Variants in NCEH1 observed in about 807,000 individuals in gnomAD.
NCEH1 encodes neutral cholesterol ester hydrolase 1.
In NCEH1, 9 loss-of-function variants were observed where a neutral mutation model predicts 25.4. That is an observed-to-expected ratio of 0.35 (90% CI 0.21 to 0.62). NCEH1 has a LOEUF of 0.62. Ranked by LOEUF, NCEH1 falls within the 20% of genes least tolerant of loss-of-function variation. NCEH1 has a pLI of 0.72. For missense variants in NCEH1, 412 were observed against 501.1 expected (o/e 0.82, Z 1.70); for synonymous variants, 200 against 199.8 (o/e 1.00, Z -0.01).
intron 1 of NCEH1, among the ~76,000 whole-genome samples, chr3:172,689,972 C>T (rs1175259384): frequency 6.7e-5 from 10 of 149,752 alleles, no homozygotes; most frequent in Non-Finnish European, 4.4e-5. Context: ...GGCACGATCT[C>T]GGCTCACTGC....
intron 1 of NCEH1, among the ~76,000 whole-genome samples, 169 bp from the exon 2 acceptor site, chr3:172,648,283 G>A (rs1465496560): frequency 6.6e-6 from 1 of 152,026 alleles, no homozygotes; most frequent in Non-Finnish European, 1.5e-5. Flanking sequence ...TTTTGCTTTT[G>A]GACAAAATAT....
At chr3:172,681,122 G>A (rs1486519635) in intron 1 of NCEH1, 1 of 152,056 alleles carries the variant, frequency 6.6e-6, no homozygotes, top group Non-Finnish European at 1.5e-5. Flanking sequence ...AGAGGTACCG[G>A]GGGAGAAGGA....
chr3:172,633,431 TAGG>T lies in NCEH1; in HGVS notation c.*41_*43del. ...AGTGCATGTCTTTCCAAAGCAGGTG[TAGG>T]AGGTCAAGAGGGGCTCGAGGCTTCT... On this transcript the variant is annotated 3_prime_UTR_variant, in exon 5 of 5. Coordinates refer to ENST00000475381, the MANE Select transcript of NCEH1 (RefSeq NM_020792.6). 6.4e-7 allele frequency: 1 copy of T among 1,573,604 alleles called. No individual in the cohort carries two copies. The highest frequency in any genetic ancestry group is 8.6e-7 in the Non-Finnish European group (1 of 1,157,002).
chr3:172,695,946 A>G (rs956147348), intron 1 of NCEH1, among the ~76,000 whole-genome samples: 1 of 152,118 alleles, frequency 6.6e-6, no homozygotes, highest in African/African-American at 2.4e-5. Context: ...TCTGTCTCAA[A>G]AAAATAAATA....
intron 1 of NCEH1, among the ~76,000 whole-genome samples, chr3:172,705,808 C>T (rs568686581): frequency 1.3e-5 from 2 of 152,168 alleles, no homozygotes; most frequent in Admixed American, 1.3e-4. Flanking sequence ...ACCAGCCTGA[C>T]CAACATGGTG....
intron 3 of NCEH1, among the ~76,000 whole-genome samples, chr3:172,642,840 C>T (rs780789394): frequency 6.6e-6 from 1 of 152,228 alleles, no homozygotes; most frequent in Non-Finnish European, 1.5e-5. Flanking sequence ...ACCTAGCATG[C>T]ACACTCCAAG....
chr3:172,672,230 CA>C (rs1279304566), intron 1 of NCEH1, among the ~76,000 whole-genome samples: 3 of 152,192 alleles, frequency 2.0e-5, no homozygotes, highest in African/African-American at 7.2e-5. Flanking sequence ...CTTACCACTG[CA>C]TTATAATTGC....
intron 1 of NCEH1, among the ~76,000 whole-genome samples, chr3:172,655,511 A>C (rs1717649700): frequency 6.6e-6 from 1 of 152,170 alleles, no homozygotes; most frequent in Non-Finnish European, 1.5e-5. Context: ...AGAAGGCTGG[A>C]GAAGGAGAGA....
Position 172,675,327 on chromosome 3 carries a change from A to AATT in NCEH1, c.139-27214_139-27213insAAT, listed in dbSNP as rs1553835603. 8.3e-4 allele frequency among the ~76,000 whole-genome samples: 124 copies of AATT among 148,948 alleles called. 1 individual carries two copies. The highest frequency in any genetic ancestry group is 4.7e-3 in the East Asian group (23 of 4,928). On this transcript the variant is annotated intron_variant, in intron 1 of 4. Coordinates refer to ENST00000475381, the MANE Select transcript of NCEH1 (RefSeq NM_020792.6). ...CAAATAAATAAATAAATAAATAAAT[A>AATT]AATAAATAAATAAATGATTTTGTGA...
intron 2 of NCEH1, 141 bp from the exon 3 acceptor site, chr3:172,645,833 T>C (rs1467071471): frequency 9.8e-6 from 5 of 509,760 alleles, no homozygotes; most frequent in Admixed American, 3.4e-5. Flanking sequence ...GAACAAATAA[T>C]AGAGTTACAT....
chr3:172,676,074 G>T (rs1250371610), intron 1 of NCEH1, among the ~76,000 whole-genome samples: 1 of 152,298 alleles, frequency 6.6e-6, no homozygotes, highest in East Asian at 1.9e-4. Context: ...TTTTCAGCAG[G>T]AAGTGGCCAC....
intron 1 of NCEH1, among the ~76,000 whole-genome samples, chr3:172,695,670 G>A (rs1713315298): frequency 6.6e-6 from 1 of 152,184 alleles, no homozygotes; most frequent in African/African-American, 2.4e-5. Context: ...GCAGCTGGGT[G>A]CGGTGGCTCA....
chr3:172,655,677 A>G (rs1208054555), intron 1 of NCEH1, among the ~76,000 whole-genome samples: 2 of 152,222 alleles, frequency 1.3e-5, no homozygotes, highest in Non-Finnish European at 2.9e-5. Context: ...GGTCAAAAAC[A>G]TATCTTCACT....
intron 1 of NCEH1, among the ~76,000 whole-genome samples, chr3:172,669,113 C>G (rs9850043): frequency 0.14 from 21,319 of 152,160 alleles, 1,673 homozygotes; most frequent in East Asian, 0.2. Context: ...AAGACAGAGG[C>G]CTTGGGTCTA....
intron 3 of NCEH1, among the ~76,000 whole-genome samples, chr3:172,640,852 A>G (rs538371491): frequency 6.9e-4 from 105 of 152,268 alleles, no homozygotes; most frequent in African/African-American, 2.4e-3. Context: ...CCCAGGCTTG[A>G]GTGCAGTGAC....
intron 1 of NCEH1, among the ~76,000 whole-genome samples, chr3:172,656,064 A>G (rs1313647090): frequency 6.6e-6 from 1 of 152,164 alleles, no homozygotes; most frequent in Non-Finnish European, 1.5e-5. Context: ...GGTGTTGGCT[A>G]TGGGTTCACT....
intron 3 of NCEH1, among the ~76,000 whole-genome samples, chr3:172,643,918 T>C (rs1386814949): frequency 6.6e-6 from 1 of 152,224 alleles, no homozygotes; most frequent in Non-Finnish European, 1.5e-5. Context: ...TCTGGCCAGC[T>C]GCTCAGGCCA....
intron 1 of NCEH1, among the ~76,000 whole-genome samples, chr3:172,651,078 G>C (rs1717385032): frequency 6.6e-6 from 1 of 152,188 alleles, no homozygotes; most frequent in South Asian, 2.1e-4. Flanking sequence ...ATCACTGCCT[G>C]AGTGCCTACA....
chr3:172,673,394 T>C (rs915746035), intron 1 of NCEH1, among the ~76,000 whole-genome samples: 2 of 152,200 alleles, frequency 1.3e-5, no homozygotes, highest in African/African-American at 2.4e-5. Context: ...GGAGAGGCAG[T>C]AGTCACTCTC....
Sources: gnomAD v4.1 joint callset for allele counts (sites outside exome capture counted in the v4.1 genomes callset) on GRCh38, gnomAD v4.1.1 for gene constraint, MANE v1.5 for transcripts, NCBI Gene and HGNC (gene_info 2026-07-23, HGNC 2026-07-21) for gene names.